The following PUS7 variants were observed in gnomAD, a reference collection of about 807,000 sequenced individuals.
PUS7 encodes pseudouridine synthase 7.
PUS7 carries 48 observed loss-of-function variants against 79.8 expected under a neutral mutation model. The ratio of observed to expected loss-of-function variants is 0.60; its 90% CI spans 0.48 to 0.76. The LOEUF (loss-of-function observed/expected upper bound fraction) is 0.76. PUS7 is among the 30% of genes least tolerant of loss of function. The probability of loss-of-function intolerance (pLI) is 0.00; values close to 1 mark genes in which losing one functional copy is unlikely to be tolerated. For missense variants in PUS7, 729 were observed against 797.6 expected (o/e 0.91, Z 1.04); for synonymous variants, 286 against 272.2 (o/e 1.05, Z -0.50).
Position 105,506,007 on chromosome 7 carries a change from C to T in PUS7, c.533G>A (p.Arg178Gln), listed in dbSNP as rs141658791. The change falls in exon 4 of 16, where the codon CGA becomes CAA. Residue 178 changes from arginine to glutamine, a missense_variant. Physicochemically the swap from Arg to Gln is conservative, Grantham distance 43. Coordinates refer to ENST00000469408, the MANE Select transcript of PUS7 (RefSeq NM_019042.5). Reference protein sequence around the residue: ...FTVLTAEEKQRLEELQLFKNK... With the variant: ...FTVLTAEEKQQLEELQLFKNK... ...TTTGAACAGCTGGAGCTCTTCCAATCGCTGCTTTTCTTCAGCTGTCAAAAC... is the reference window on the plus strand; with the variant it reads ...TTTGAACAGCTGGAGCTCTTCCAATTGCTGCTTTTCTTCAGCTGTCAAAAC... 3.1e-6 allele frequency: 5 copies of T among 1,613,940 alleles called. No individual in the cohort carries two copies. The highest frequency in any genetic ancestry group is 2.2e-5 in the East Asian group (1 of 44,868).
At chr7:105,462,534 T>A in intron 14 of PUS7, 87 bp downstream of exon 14, 1 of 1,389,746 alleles carries the variant, frequency 7.2e-7, no homozygotes, top group South Asian at 1.3e-5. Flanking sequence ...AAAATTCTTG[T>A]GCAGTACATG....
At chr7:105,484,548 G>T (rs184750402) in intron 7 of PUS7, among the ~76,000 whole-genome samples, 1 of 151,416 alleles carries the variant, frequency 6.6e-6, no homozygotes, top group Non-Finnish European at 1.5e-5. Context: ...ACCGGGCGCG[G>T]TGCTTCATGC....
chr7:105,496,192 CACACATATATAT>C (rs1259498107), intron 5 of PUS7, among the ~76,000 whole-genome samples: 7 of 24,706 alleles, frequency 2.8e-4, no homozygotes, highest in African/African-American at 1.4e-3. Context: ...TCTACACACA[CACACATATATAT>C]ATATATATAT....
chr7:105,465,111 C>T (rs572362757), intron 13 of PUS7, among the ~76,000 whole-genome samples: 2 of 152,276 alleles, frequency 1.3e-5, no homozygotes, highest in East Asian at 3.9e-4. Flanking sequence ...GCGTGAGCCA[C>T]CGTGCCTGAC....
intron 4 of PUS7, among the ~76,000 whole-genome samples, chr7:105,504,157 C>T (rs1421163968): frequency 1.5e-5 from 2 of 137,004 alleles, no homozygotes; most frequent in East Asian, 2.1e-4. Context: ...GCAACCTCCA[C>T]CTCCCAGGTT....
At chr7:105,497,658 T>C (rs947383785) in intron 5 of PUS7, among the ~76,000 whole-genome samples, 1 of 152,148 alleles carries the variant, frequency 6.6e-6, no homozygotes, top group Non-Finnish European at 1.5e-5. Context: ...AGGAAGAAAT[T>C]ATTGTTGATG....
At chr7:105,497,496 T>C (rs1403785041) in intron 5 of PUS7, among the ~76,000 whole-genome samples, 1 of 152,186 alleles carries the variant, frequency 6.6e-6, no homozygotes, top group Non-Finnish European at 1.5e-5. Context: ...AAGTTCTTTA[T>C]AGATTAAAAA....
intron 1 of PUS7, among the ~76,000 whole-genome samples, chr7:105,511,703 C>T (rs112586642): frequency 0.043 from 6,475 of 152,000 alleles, 492 homozygotes; most frequent in African/African-American, 0.15. Context: ...AGAGGTTGCA[C>T]TGAGTCAAGA....
At chr7:105,511,620 G>T (rs944645644) in intron 1 of PUS7, among the ~76,000 whole-genome samples, 1 of 150,948 alleles carries the variant, frequency 6.6e-6, no homozygotes, top group Non-Finnish European at 1.5e-5. Flanking sequence ...GATTAGCTGG[G>T]TGTGAGGGCA....
intron 4 of PUS7, among the ~76,000 whole-genome samples, chr7:105,503,240 C>G (rs1825325892): frequency 6.6e-6 from 1 of 152,176 alleles, no homozygotes; most frequent in African/African-American, 2.4e-5. Flanking sequence ...GCCACCAACC[C>G]AGATGCACCT....
chr7:105,501,835 G>A (rs765222995), intron 5 of PUS7, among the ~76,000 whole-genome samples: 2 of 151,816 alleles, frequency 1.3e-5, no homozygotes, highest in Non-Finnish European at 2.9e-5. Flanking sequence ...GGTGCCTGGA[G>A]TCTCAGGTAC....
intron 12 of PUS7, among the ~76,000 whole-genome samples, chr7:105,467,430 C>A (rs1823700256): frequency 6.6e-6 from 1 of 151,598 alleles, no homozygotes; most frequent in Non-Finnish European, 1.5e-5. Context: ...GCTGGGACTA[C>A]AGGCGCCTGC....
chr7:105,508,482 G>A lies in PUS7; in HGVS notation c.31C>T (p.Leu11=), dbSNP rs1272303862. The A allele has an allele frequency of 2.5e-6, 4 of 1,613,748 alleles. No individual in the cohort carries two copies. ...TCGACAACCAGTGCCCCACGTTTCA[G>A]CGACACACCAGTCATTTCTGTCATC... The part of the protein sequence containing the change: MEMTEMTGVS[L]KRGALVVEDN... Residue 11 remains leucine, a synonymous_variant, in exon 2 of 16, where the codon CTG becomes TTG. Coordinates refer to ENST00000469408, the MANE Select transcript of PUS7 (RefSeq NM_019042.5).
At chr7:105,511,215 A>G (rs1825688813) in intron 1 of PUS7, among the ~76,000 whole-genome samples, 1 of 149,770 alleles carries the variant, frequency 6.7e-6, no homozygotes, top group Non-Finnish European at 1.5e-5. Context: ...TTGTATTTTT[A>G]GTAGAGACGG....
rs67218522 is a variant in PUS7, at chr7:105,496,184, TACAC to T, written c.731-935_731-932del. Among the ~76,000 whole-genome samples the T allele has an allele frequency of 4.9e-3, 333 of 68,514 alleles. 2 individuals carry two copies. Among genetic ancestry groups the T allele is most frequent in the Admixed American group, 6.9e-3 (31 of 4,464 alleles). The allele number at this position is 68,514 out of a possible 152,430, so 44.9% of individuals were successfully genotyped here. A position where few individuals can be genotyped will look rare whatever the true frequency, so the allele number is the denominator to read the frequency against. On this transcript the variant is annotated intron_variant, in intron 5 of 15. Transcript: ENST00000469408. ...AAAAAAAAAAAAAAGTATGCATATC[TACAC>T]ACACACACATATATATATATATATA...
Position 105,508,480 on chromosome 7 carries a change from C to T in PUS7, c.33G>A (p.Leu11=), listed in dbSNP as rs1825563691. 1 of 1,613,802 alleles carries T rather than the reference C, an allele frequency of 6.2e-7. No homozygotes were observed. Among genetic ancestry groups the T allele is most frequent in the South Asian group, 1.1e-5 (1 of 91,040 alleles). ...CTTCGACAACCAGTGCCCCACGTTTCAGCGACACACCAGTCATTTCTGTCA... is the reference window on the plus strand; with the variant it reads ...CTTCGACAACCAGTGCCCCACGTTTTAGCGACACACCAGTCATTTCTGTCA... The part of the protein sequence containing the change: MEMTEMTGVS[L]KRGALVVEDN... The change falls in exon 2 of 16, where the codon CTG becomes CTA. Residue 11 remains leucine, a synonymous_variant. Transcript: ENST00000469408.
intron 5 of PUS7, chr7:105,496,846 G>A: frequency 1.6e-6 from 1 of 617,010 alleles, no homozygotes; most frequent in Non-Finnish European, 2.1e-6. Flanking sequence ...ATCATTTTCG[G>A]TTTTCCTTCC....
chr7:105,466,319 G>A (rs1242151213), intron 12 of PUS7, among the ~76,000 whole-genome samples: 2 of 152,072 alleles, frequency 1.3e-5, no homozygotes, highest in Non-Finnish European at 1.5e-5. Flanking sequence ...GTGCAGTGGT[G>A]TGATTAAGGT....
rs1349058138 is a variant in PUS7, at chr7:105,522,256, G to A, written c.-237C>T. On this transcript the variant is annotated 5_prime_UTR_variant, in exon 1 of 16. Transcript: ENST00000469408. ...GCTCGCACACGTGCGGCGCAGCGAC[G>A]CGCCGCGGCCCGACTGGACCCGCCC... The A allele has an allele frequency of 6.6e-6, 1 of 151,740 alleles. No individual in the cohort carries two copies. Among genetic ancestry groups the A allele is most frequent in the South Asian group, 2.1e-4 (1 of 4,828 alleles). The allele number at this position is 151,740 out of a possible 1,614,324, so 9.4% of individuals were successfully genotyped here.
Sources: gnomAD v4.1 joint callset for allele counts (sites outside exome capture counted in the v4.1 genomes callset) on GRCh38, gnomAD v4.1.1 for gene constraint, MANE v1.5 for transcripts, NCBI Gene and HGNC (gene_info 2026-07-23, HGNC 2026-07-21) for gene names.